Variants in ATG2A observed in about 807,000 individuals in gnomAD.
ATG2A encodes autophagy related 2A.
Under a neutral mutation model 214.2 loss-of-function variants are expected in ATG2A, and 103 were observed. The observed-to-expected ratio is 0.48, with a 90% CI of 0.41 to 0.57. ATG2A has a LOEUF of 0.57. Among genes scored for constraint, ATG2A ranks in the 20% least tolerant of loss-of-function variants. ATG2A has a pLI of 0.00. For synonymous variants in ATG2A, 1,160 were observed against 1,142.1 expected (o/e 1.02, Z -0.32); for missense variants, 2,312 against 2,613.2 (o/e 0.88, Z 2.51).
In ATG2A at chr11:64,905,861, G is replaced by A. The variant is rs775296544; in HGVS notation, c.3265-13C>T. The A allele has an allele frequency of 6.2e-6, 10 of 1,611,390 alleles. No homozygotes were observed. Among genetic ancestry groups the A allele is most frequent in the African/African-American group, 5.3e-5 (4 of 74,896 alleles). ...GGAACTCCAACAACTTCAGAGGCCA[G>A]GGCAGGAGGAAGCAGTGAGGATCAG... On this transcript the variant is annotated splice_polypyrimidine_tract_variant and intron_variant, in intron 22 of 40. Transcript: ENST00000377264.
rs1944084110 is a variant in ATG2A at position 64,894,686 on chromosome 11, T to A, written c.*287A>T. 3.0e-6 allele frequency: 2 copies of A among 672,930 alleles called. No homozygotes were observed. The highest frequency in any genetic ancestry group is 1.8e-5 in the African/African-American group (1 of 56,712). The allele number at this position is 672,930 out of a possible 1,614,324, so 41.7% of individuals were successfully genotyped here. Reference sequence around the variant, plus strand: ...AGACACTTGGCTGAGTGGGATGGGGTCCGAGGGTCCAAAAGCCTCCGTCCT... The same window carrying A: ...AGACACTTGGCTGAGTGGGATGGGGACCGAGGGTCCAAAAGCCTCCGTCCT... On this transcript the variant is annotated 3_prime_UTR_variant, in exon 41 of 41. Transcript: ENST00000377264.
At position 64,897,728 on chromosome 11, in the gene ATG2A, C is replaced by T. The variant is rs187918415; in HGVS notation, c.5010G>A (p.Thr1670=). 29 of 1,614,212 alleles carry T rather than the reference C, an allele frequency of 1.8e-5. No individual in the cohort carries two copies. The East Asian group carries it at 4.5e-4, about 25-fold the overall frequency. Residue 1670 remains threonine, a synonymous_variant, in exon 36 of 41, where the codon ACG becomes ACA. Transcript: ENST00000377264. ...QPIYFREFRF[T]SEVPIWLDYH... ...AATCCAGCCAGATGGGGACCTCAGA[C>T]GTGAAGCGGAACTCTCTGGGTAGGG...
chr11:64,913,151 G>A lies in ATG2A; in HGVS notation c.727-15C>T, dbSNP rs1245776317. The stretch of plus-strand genomic sequence containing the variant: ...GGAGGCTCTTCCTGGGAGACGGGAG[G>A]ATACAAGAGGGAAAGGTTGAGAAAA... On this transcript the variant is annotated splice_polypyrimidine_tract_variant and intron_variant, in intron 5 of 40. Transcript: ENST00000377264. This position sits in a 1 kb window ranked among gnomAD's most constrained non-coding sequence, Gnocchi z 4.3. 2 of 1,588,872 alleles carry A rather than the reference G, an allele frequency of 1.3e-6. No individual in the cohort carries two copies. The highest frequency in any genetic ancestry group is 1.7e-6 in the Non-Finnish European group (2 of 1,165,090).
Position 64,902,036 on chromosome 11 carries a change from CCCTTT to C in ATG2A, c.4040_4044del (p.Glu1347GlyfsTer12). Reference sequence around the variant, plus strand: ...AGGGTGTCTCCATCGCCCTCCTCTTCCCTTTCATCTTCCTTCTCCTCTGAGCATGA... The same window carrying C: ...AGGGTGTCTCCATCGCCCTCCTCTTCCATCTTCCTTCTCCTCTGAGCATGA... On this transcript the variant is annotated frameshift_variant, in exon 29 of 41. Coordinates refer to ENST00000377264, the MANE Select transcript of ATG2A (RefSeq NM_015104.3). LOFTEE classifies it high-confidence loss of function. 1 of 1,614,058 alleles carries C rather than the reference CCCTTT, an allele frequency of 6.2e-7. No homozygotes were observed. Among genetic ancestry groups the C allele is most frequent in the Non-Finnish European group, 8.5e-7 (1 of 1,180,040 alleles).
At chr11:64,915,588 G>A (rs184193169) in intron 1 of ATG2A, among the ~76,000 whole-genome samples, 1 of 152,118 alleles carries the variant, frequency 6.6e-6, no homozygotes, top group Admixed American at 6.5e-5. Context: ...TCAAGAAAGC[G>A]CCTGCATTCC....
chr11:64,909,990 A>G, intron 13 of ATG2A, 50 bp downstream of exon 13: 1 of 1,565,794 alleles, frequency 6.4e-7, no homozygotes, highest in Non-Finnish European at 8.6e-7. Context: ...GAGCCGAAGG[A>G]CCCAGGCCCT....
At chr11:64,900,388 A>G (rs768649189) in intron 31 of ATG2A, 106 bp downstream of exon 31, 3 of 1,556,312 alleles carry the variant, frequency 1.9e-6, no homozygotes, top group Non-Finnish European at 2.6e-6. Flanking sequence ...TCCACTACAA[A>G]GGCAGGGGTT....
At position 64,913,647 on chromosome 11, in the gene ATG2A, T is replaced by G; in HGVS notation, c.590+174A>C. 1.3e-6 allele frequency: 1 copy of G among 786,748 alleles called. No homozygotes were observed. Among genetic ancestry groups the G allele is most frequent in the Non-Finnish European group, 2.0e-6 (1 of 501,424 alleles). 48.7% of individuals were successfully genotyped at this position (786,748 alleles called of 1,614,324 possible). The stretch of plus-strand genomic sequence containing the variant: ...CACTCTGGGCCTGTATCACCTGGCC[T>G]CTGGACACCAGTCCGGGCTCACGAT... On this transcript the variant is annotated intron_variant, in intron 4 of 40. Coordinates refer to ENST00000377264, the MANE Select transcript of ATG2A (RefSeq NM_015104.3). This position sits in a 1 kb window ranked among gnomAD's most constrained non-coding sequence, Gnocchi z 4.3.
Position 64,894,727 on chromosome 11 carries a change from T to G in ATG2A, c.*246A>C. 1 of 694,964 alleles carries G rather than the reference T, an allele frequency of 1.4e-6. No individual in the cohort carries two copies. 43.0% of individuals were successfully genotyped at this position (694,964 alleles called of 1,614,324 possible). The stretch of plus-strand genomic sequence containing the variant: ...CCTCCGTCCTGGGAGAAGGCAGCAG[T>G]GTGGGCCCAGGTCGGGGGAGGGGCA... On this transcript the variant is annotated 3_prime_UTR_variant, in exon 41 of 41. Transcript: ENST00000377264.
In ATG2A at chr11:64,911,155, T is replaced by C; in HGVS notation, c.1349A>G (p.Asp450Gly). 6.2e-7 allele frequency: 1 copy of C among 1,613,956 alleles called. No homozygotes were observed. Among genetic ancestry groups the C allele is most frequent in the Non-Finnish European group, 8.5e-7 (1 of 1,179,978 alleles). Residue 450 changes from aspartate (D) to glycine (G), a missense_variant, in exon 10 of 41, where the codon GAC becomes GGC. Asp to Gly is a moderately conservative substitution (Grantham distance 94). Coordinates refer to ENST00000377264, the MANE Select transcript of ATG2A (RefSeq NM_015104.3). ...CTCGGTGAAAAAGTGCGTGGCGAGG[T>C]CAGGTGGTCCGGAAGATGGGGCAGA... ...QTSAPSSGPP[D>G]LATHFFTEFD...
intron 7 of ATG2A, 36 bp from the exon 8 acceptor site, chr11:64,912,285 CCCT>C: frequency 1.9e-6 from 3 of 1,591,944 alleles, no homozygotes; most frequent in Non-Finnish European, 2.6e-6. Flanking sequence ...GGCTGGCTGG[CCCT>C]CCCAGCCACC....
In ATG2A at chr11:64,899,203, C is replaced by T. The variant is rs912402043; in HGVS notation, c.4465-361G>A. ...TACAGGCATGAGCCACCATGCCCGGCCCCTACCCCTTCTCTATTCTATGCC... is the reference window on the plus strand; with the variant it reads ...TACAGGCATGAGCCACCATGCCCGGTCCCTACCCCTTCTCTATTCTATGCC... On this transcript the variant is annotated intron_variant, in intron 31 of 40. Coordinates refer to ENST00000377264, the MANE Select transcript of ATG2A (RefSeq NM_015104.3). Among the ~76,000 whole-genome samples, 10 of 152,180 alleles carry T rather than the reference C, an allele frequency of 6.6e-5. No homozygotes were observed. The East Asian group carries it at 1.7e-3, about 26-fold the overall frequency.
At position 64,902,635 on chromosome 11, in the gene ATG2A, C is replaced by T. The variant is rs766923930; in HGVS notation, c.3658G>A (p.Val1220Met). The T allele has an allele frequency of 1.2e-5, 19 of 1,610,936 alleles. No homozygotes were observed. The highest frequency in any genetic ancestry group is 1.7e-5 in the Admixed American group (1 of 59,968). Residue 1220 changes from valine to methionine, a missense_variant, in exon 27 of 41, where the codon GTG (valine) becomes ATG (methionine). Coordinates refer to ENST00000377264, the MANE Select transcript of ATG2A (RefSeq NM_015104.3). Reference sequence around the variant, plus strand: ...GCACAGGAGTCGGCACAGCTGTGCACGTGTACCACATTGTTGGAGCAGCGC... The same window carrying T: ...GCACAGGAGTCGGCACAGCTGTGCATGTGTACCACATTGTTGGAGCAGCGC... ...ELRCSNNVVH[V>M]HSCADSCALL...
At position 64,898,482 on chromosome 11, in the gene ATG2A, C is replaced by A. The variant is rs1437227889; in HGVS notation, c.4672-120G>T. The A allele has an allele frequency of 7.6e-7, 1 of 1,315,290 alleles. No homozygotes were observed. Among genetic ancestry groups the A allele is most frequent in the South Asian group, 1.4e-5 (1 of 72,352 alleles). 81.5% of individuals were successfully genotyped at this position (1,315,290 alleles called of 1,614,324 possible). On this transcript the variant is annotated intron_variant, in intron 32 of 40. Transcript: ENST00000377264. The surrounding 1 kb of genome is among the most constrained non-coding windows in gnomAD (Gnocchi z 4.5). ...CTGAACACGCTGTTCCCTTCGCTAACACAGCCCCTAGCTCTGCCCTTCTCC... is the reference window on the plus strand; with the variant it reads ...CTGAACACGCTGTTCCCTTCGCTAAAACAGCCCCTAGCTCTGCCCTTCTCC...
chr11:64,911,996 G>C lies in ATG2A; in HGVS notation c.1088-14C>G. On this transcript the variant is annotated splice_polypyrimidine_tract_variant and intron_variant, in intron 8 of 40. Coordinates refer to ENST00000377264, the MANE Select transcript of ATG2A (RefSeq NM_015104.3). ...AGAAGAAGAGGTCTGTGGGTGAAGT[G>C]AGGAGTGTCAGGGACAGCCGACCCC... 1 of 1,613,826 alleles carries C rather than the reference G, an allele frequency of 6.2e-7. No homozygotes were observed. The highest frequency in any genetic ancestry group is 8.5e-7 in the Non-Finnish European group (1 of 1,179,860).
At position 64,911,914 on chromosome 11, in the gene ATG2A, C is replaced by T. The variant is rs779807434; in HGVS notation, c.1156G>A (p.Asp386Asn). 7 of 1,613,482 alleles carry T rather than the reference C, an allele frequency of 4.3e-6. 1 individual carries two copies. The East Asian group carries it at 6.7e-5, about 15-fold the overall frequency. Residue 386 changes from aspartate (D) to asparagine (N), a missense_variant, in exon 9 of 41, where the codon GAT (aspartate) becomes AAT (asparagine). By Grantham distance (23) the Asp-to-Asn change is conservative. Coordinates refer to ENST00000377264, the MANE Select transcript of ATG2A (RefSeq NM_015104.3). ...ASALSELSLS[D>N]VDLASSVRSD... ...CGCACAGAGGAGGCCAGGTCTACAT[C>T]GGAGAGGGAGAGCTCAGAGAGGGCT...
chr11:64,911,387 T>A, intron 9 of ATG2A, 112 bp from the exon 10 acceptor site: 1 of 1,085,618 alleles, frequency 9.2e-7, no homozygotes, highest in Non-Finnish European at 1.3e-6. Context: ...CCCCACCATG[T>A]GGCTCTGGCA....
rs768402770 is a variant in ATG2A, at chr11:64,910,191, C to T, written c.1712G>A (p.Arg571Gln). ...TQILRRVPKS[R>Q]PRRSVACHCH... ...ATGGCAGGCAACTGAGCGCCGGGGTCGGCTCTGAGGGCGAGGGCGTTCAGG... is the reference window on the plus strand; with the variant it reads ...ATGGCAGGCAACTGAGCGCCGGGGTTGGCTCTGAGGGCGAGGGCGTTCAGG... Residue 571 changes from arginine (R) to glutamine (Q), a missense_variant, in exon 13 of 41, where the codon CGA becomes CAA. Arg to Gln is a conservative substitution (Grantham distance 43). Coordinates refer to ENST00000377264, the MANE Select transcript of ATG2A (RefSeq NM_015104.3). The T allele has an allele frequency of 1.9e-5, 31 of 1,598,310 alleles. No individual in the cohort carries two copies. The highest frequency in any genetic ancestry group is 8.9e-5 in the East Asian group (4 of 44,822).
At chr11:64,906,871 C>T (rs1188249260) in intron 19 of ATG2A, 56 bp from the exon 20 acceptor site, 1 of 1,566,008 alleles carries the variant, frequency 6.4e-7, no homozygotes, top group Non-Finnish European at 8.6e-7. Context: ...ACCCTCAAGC[C>T]CTCTGGGGGT....
Sources: gnomAD v4.1 joint callset for allele counts (sites outside exome capture counted in the v4.1 genomes callset) on GRCh38, gnomAD v4.1.1 for gene constraint, Gnocchi (gnomAD v3.1) non-coding constraint, MANE v1.5 for transcripts, NCBI Gene and HGNC (gene_info 2026-07-23, HGNC 2026-07-21) for gene names.